The following SBF2 variants were observed in gnomAD, a reference collection of about 807,000 sequenced individuals.
SBF2 encodes the protein SET binding factor 2.
A neutral mutation model predicts 225.2 loss-of-function variants in SBF2; 112 were observed. That is an observed-to-expected ratio of 0.50 (90% CI 0.43 to 0.58). The LOEUF (loss-of-function observed/expected upper bound fraction) is 0.58, where lower values mean the gene tolerates loss of function less well. Ranked by LOEUF, SBF2 falls within the 20% of genes least tolerant of loss-of-function variation. The probability of loss-of-function intolerance (pLI) is 0.00; values close to 1 mark genes in which losing one functional copy is unlikely to be tolerated. For missense variants in SBF2, 1,996 were observed against 2,206.2 expected, an observed-to-expected ratio of 0.90 and a Z score of 1.91; for synonymous variants, 763 against 773.3, an observed-to-expected ratio of 0.99 and a Z score of 0.22.
At chr11:10,137,233 T>A (rs1389267625) in intron 2 of SBF2, among the ~76,000 whole-genome samples, 2 of 152,222 alleles carry the variant, frequency 1.3e-5, no homozygotes, top group East Asian at 3.8e-4. Flanking sequence ...ACAATTAGTT[T>A]TTGTACGATC....
chr11:9,823,815 G>T (rs1458133576), intron 28 of SBF2, among the ~76,000 whole-genome samples: 1 of 152,234 alleles, frequency 6.6e-6, no homozygotes, highest in Non-Finnish European at 1.5e-5. Flanking sequence ...CACAGAGAAT[G>T]TTGAAGGTGT....
chr11:10,160,872 T>A (rs1428004750), intron 2 of SBF2, among the ~76,000 whole-genome samples: 1 of 152,114 alleles, frequency 6.6e-6, no homozygotes, highest in African/African-American at 2.4e-5. Context: ...ACTACACGTG[T>A]ACCACTTCCT....
rs143788969 is a variant in SBF2 at position 9,860,980 on chromosome 11, G to A, written c.1930-2584C>T. On this transcript the variant is annotated intron_variant, in intron 17 of 39. Coordinates refer to ENST00000256190, the MANE Select transcript of SBF2 (RefSeq NM_030962.4). ...CTTCAGTATTTTTCACACTGATGGT[G>A]TATATTTGCTTTCCTTGGCACATTT... Among the ~76,000 whole-genome samples, 333 of 152,302 alleles carry A rather than the reference G, an allele frequency of 2.2e-3. 10 individuals carry two copies. In the South Asian group the frequency reaches 0.038, roughly 17 times the overall value.
intron 2 of SBF2, among the ~76,000 whole-genome samples, chr11:10,124,931 C>T (rs2135068415): frequency 6.6e-6 from 1 of 151,874 alleles, no homozygotes; most frequent in South Asian, 2.1e-4. Context: ...ATGGCAAAAC[C>T]CCGTCTCTAC....
intron 3 of SBF2, among the ~76,000 whole-genome samples, chr11:10,040,629 A>G (rs1949617237): frequency 6.6e-6 from 1 of 152,064 alleles, no homozygotes; most frequent in Admixed American, 6.6e-5. Flanking sequence ...GAATATGGAT[A>G]GTAGGTTTTA....
chr11:10,036,903 G>A (rs1949458311), intron 3 of SBF2, among the ~76,000 whole-genome samples: 1 of 152,164 alleles, frequency 6.6e-6, no homozygotes, highest in Non-Finnish European at 1.5e-5. Flanking sequence ...ACAATACACA[G>A]TTCTCACTGC....
At chr11:10,100,534 A>G (rs951457902) in intron 2 of SBF2, among the ~76,000 whole-genome samples, 2 of 152,238 alleles carry the variant, frequency 1.3e-5, no homozygotes, top group Non-Finnish European at 2.9e-5. Context: ...GAGACGTCCC[A>G]TAACTGTAGC....
intron 16 of SBF2, among the ~76,000 whole-genome samples, chr11:9,911,227 G>T (rs1464276534): frequency 1.3e-5 from 2 of 151,854 alleles, no homozygotes; most frequent in African/African-American, 4.8e-5. Context: ...AATTAGTCGG[G>T]TGTGGTGGTG....
chr11:9,785,274 G>A lies in SBF2; in HGVS notation c.5082C>T (p.Asn1694=). 1.2e-6 allele frequency: 2 copies of A among 1,614,218 alleles called. No individual in the cohort carries two copies. Among genetic ancestry groups the A allele is most frequent in the Non-Finnish European group, 1.7e-6 (2 of 1,180,018 alleles). ...LSRSPGIVST[N]LPSYQKRSLL... is the part of the protein sequence containing the mutation. ...GAGACCTCTTCTGATAGGAAGGTAG[G>A]TTGGTAGACACAATTCCTGGGGATC... The change falls in exon 37 of 40, where the codon AAC becomes AAT. Residue 1694 remains asparagine, a synonymous_variant. Transcript: ENST00000256190.
At chr11:9,784,689 T>C (rs1852255711) in intron 37 of SBF2, among the ~76,000 whole-genome samples, 1 of 152,170 alleles carries the variant, frequency 6.6e-6, no homozygotes, top group African/African-American at 2.4e-5. Context: ...GGGACTGACA[T>C]AACACAGAGA....
chr11:10,022,617 T>C (rs1347436278), intron 6 of SBF2, among the ~76,000 whole-genome samples: 1 of 151,246 alleles, frequency 6.6e-6, no homozygotes. Flanking sequence ...CATCATAATC[T>C]CCTCTCTACT....
chr11:10,020,125 T>C (rs1477465896), intron 6 of SBF2, among the ~76,000 whole-genome samples: 1 of 152,056 alleles, frequency 6.6e-6, no homozygotes. Flanking sequence ...TTGGTCACAG[T>C]GGTGCCAGGG....
At chr11:10,005,294 G>A (rs557742639) in intron 6 of SBF2, among the ~76,000 whole-genome samples, 29 of 152,252 alleles carry the variant, frequency 1.9e-4, no homozygotes, top group African/African-American at 5.5e-4. Flanking sequence ...GTGAGCATGC[G>A]TACAATTCCA....
intron 16 of SBF2, among the ~76,000 whole-genome samples, chr11:9,952,247 CACAAACAAACAAACAA>C (rs57243169): frequency 2.0e-5 from 3 of 149,418 alleles, no homozygotes; most frequent in African/African-American, 4.9e-5. Flanking sequence ...AAAATAAATA[CACAAACAAACAAACAA>C]ACAAACAAAC....
chr11:9,839,276 G>T (rs759558844), intron 26 of SBF2: 1 of 559,838 alleles, frequency 1.8e-6, no homozygotes, highest in Non-Finnish European at 3.2e-6. Context: ...ATTCATAGGG[G>T]GTGAGTACTT....
At chr11:10,241,466 C>T (rs564329797) in intron 1 of SBF2, among the ~76,000 whole-genome samples, 2 of 152,006 alleles carry the variant, frequency 1.3e-5, no homozygotes, top group Admixed American at 1.3e-4. Context: ...AAGATGAGAA[C>T]AGAATTTTTA....
chr11:10,165,221 C>T (rs1476912971), intron 2 of SBF2: 1 of 152,194 alleles, frequency 6.6e-6, no homozygotes, highest in Non-Finnish European at 1.5e-5. Context: ...CTTGCCTCCA[C>T]AGACAAGGGA....
chr11:10,166,110 T>C (rs1016914441), intron 2 of SBF2, among the ~76,000 whole-genome samples: 2 of 152,188 alleles, frequency 1.3e-5, no homozygotes, highest in African/African-American at 2.4e-5. Flanking sequence ...ACCCAATACC[T>C]TGACTAGCAC....
At chr11:9,792,300 G>A (rs1479771664) in intron 33 of SBF2, among the ~76,000 whole-genome samples, 9 of 151,866 alleles carry the variant, frequency 5.9e-5, no homozygotes, top group Admixed American at 2.0e-4. Flanking sequence ...GTGTGGTGGC[G>A]GGCACCTGTA....
Sources: allele counts gnomAD v4.1 joint callset (sites outside exome capture counted in the v4.1 genomes callset), GRCh38; gene constraint gnomAD v4.1.1; transcripts MANE v1.5; gene names NCBI Gene and HGNC (gene_info 2026-07-23, HGNC 2026-07-21).